Variants in KCNIP4 observed in about 807,000 individuals in gnomAD.
The protein encoded by KCNIP4 is potassium voltage-gated channel interacting protein 4.
A neutral mutation model predicts 34.0 loss-of-function variants in KCNIP4; 12 were observed. The ratio of observed to expected loss-of-function variants is 0.35; its 90% CI spans 0.23 to 0.57. KCNIP4 has a LOEUF of 0.57. Ranked by LOEUF, KCNIP4 falls within the 20% of genes least tolerant of loss-of-function variation. The pLI is 0.83. For synonymous variants in KCNIP4, 124 were observed against 102.2 expected (o/e 1.21, Z -1.29); for missense variants, 238 against 311.7 (o/e 0.76, Z 1.78).
chr4:21,167,002 G>A (rs142345353), intron 1 of KCNIP4, among the ~76,000 whole-genome samples: 1 of 143,756 alleles, frequency 7.0e-6, no homozygotes, highest in African/African-American at 2.5e-5. Flanking sequence ...GCAAACTGTT[G>A]TACATTTCTA....
intron 3 of KCNIP4, among the ~76,000 whole-genome samples, chr4:20,830,491 T>C (rs1199797401): frequency 6.6e-6 from 1 of 152,182 alleles, no homozygotes; most frequent in Non-Finnish European, 1.5e-5. Context: ...ATTCTGCATG[T>C]TCTTATGGGA....
chr4:20,745,260 A>G (rs193012795), intron 5 of KCNIP4, among the ~76,000 whole-genome samples: 1 of 152,256 alleles, frequency 6.6e-6, no homozygotes, highest in African/African-American at 2.4e-5. Flanking sequence ...TTTGTGAACA[A>G]AAGTATCCTG....
At chr4:21,775,132 G>T (rs950073101) in intron 1 of KCNIP4, among the ~76,000 whole-genome samples, 2 of 152,212 alleles carry the variant, frequency 1.3e-5, no homozygotes, top group South Asian at 4.1e-4. Flanking sequence ...CAGGGTTTTC[G>T]TGGAGGCCTT....
chr4:21,654,994 A>G (rs1448184689), intron 1 of KCNIP4, among the ~76,000 whole-genome samples: 1 of 152,026 alleles, frequency 6.6e-6, no homozygotes, highest in Non-Finnish European at 1.5e-5. Context: ...ATTGCTCCTC[A>G]TTCTTTTTTT....
At chr4:21,920,290 T>C (rs923283148) in intron 1 of KCNIP4, among the ~76,000 whole-genome samples, 1 of 152,160 alleles carries the variant, frequency 6.6e-6, no homozygotes, top group African/African-American at 2.4e-5. Flanking sequence ...GGATTGAAAA[T>C]ATAGTTTTAA....
intron 1 of KCNIP4, among the ~76,000 whole-genome samples, chr4:21,730,823 C>T (rs1003472935): frequency 2.0e-5 from 3 of 152,050 alleles, no homozygotes; most frequent in African/African-American, 4.8e-5. Flanking sequence ...AATTAAGAGT[C>T]GATTCTAGGC....
At chr4:20,936,891 A>G (rs979762689) in intron 1 of KCNIP4, among the ~76,000 whole-genome samples, 2 of 152,088 alleles carry the variant, frequency 1.3e-5, no homozygotes, top group African/African-American at 4.8e-5. Flanking sequence ...AATAATAGTT[A>G]CTCTGCGCAT....
intron 1 of KCNIP4, among the ~76,000 whole-genome samples, chr4:21,864,746 G>T (rs11930149): frequency 0.041 from 6,189 of 152,262 alleles, 155 homozygotes; most frequent in Middle Eastern, 0.075. Context: ...AGAGCTCCCA[G>T]AATCCCTCAT....
intron 1 of KCNIP4, chr4:21,315,433 A>G (rs1281853310): frequency 6.6e-6 from 1 of 152,226 alleles, no homozygotes; most frequent in Non-Finnish European, 1.5e-5. Flanking sequence ...TATACAACGC[A>G]TGTGTTAATC....
intron 1 of KCNIP4, among the ~76,000 whole-genome samples, chr4:21,267,442 T>G (rs1385613733): frequency 2.6e-5 from 4 of 151,992 alleles, no homozygotes; most frequent in Non-Finnish European, 5.9e-5. Context: ...TCAAAGGGAA[T>G]GCTTCCAGTT....
At chr4:21,251,388 A>C (rs571822606) in intron 1 of KCNIP4, among the ~76,000 whole-genome samples, 3 of 152,160 alleles carry the variant, frequency 2.0e-5, no homozygotes, top group Non-Finnish European at 4.4e-5. Flanking sequence ...CAAATTAAAA[A>C]ATGCACACAG....
chr4:21,138,154 G>A (rs186859149), intron 1 of KCNIP4, among the ~76,000 whole-genome samples: 1 of 152,226 alleles, frequency 6.6e-6, no homozygotes, highest in African/African-American at 2.4e-5. Flanking sequence ...CTGAGTCATT[G>A]CCATCTACAT....
rs554793664 is a variant in KCNIP4 at position 21,662,113 on chromosome 4, C to T, written c.61+286458G>A. Among the ~76,000 whole-genome samples, 16 of 152,282 alleles carry T rather than the reference C, an allele frequency of 1.1e-4. No homozygotes were observed. In the South Asian group the frequency reaches 2.9e-3, roughly 28 times the overall value. The stretch of plus-strand genomic sequence containing the variant: ...GGTATTTGCTTGTAAGCAACCTCTA[C>T]AAGGGTATTTCATACACCCTGTGTC... On this transcript the variant is annotated intron_variant, in intron 1 of 8. Transcript: ENST00000382152.
chr4:21,711,645 A>G (rs1713740045), intron 1 of KCNIP4, among the ~76,000 whole-genome samples: 1 of 152,234 alleles, frequency 6.6e-6, no homozygotes, highest in African/African-American at 2.4e-5. Context: ...TTTCATTAAG[A>G]GATAAAATAT....
At chr4:21,910,337 C>T (rs1913331) in intron 1 of KCNIP4, among the ~76,000 whole-genome samples, 152,012 of 152,228 alleles carry the variant, frequency 1, 75,899 homozygotes, top group Middle Eastern at 1. Flanking sequence ...TCAAGAAAAA[C>T]ACACAAGCAA....
chr4:21,318,557 T>G (rs1714032523), intron 1 of KCNIP4, among the ~76,000 whole-genome samples: 1 of 152,180 alleles, frequency 6.6e-6, no homozygotes, highest in Admixed American at 6.5e-5. Context: ...TTATATTTTT[T>G]GAGAGTTATG....
rs575478375 is a variant in KCNIP4, at chr4:21,585,163, G to C, written c.61+363408C>G. Among the ~76,000 whole-genome samples the C allele has an allele frequency of 9.1e-4, 139 of 152,142 alleles. 1 individual carries two copies. Among genetic ancestry groups the C allele is most frequent in the Middle Eastern group, 6.8e-3 (2 of 294 alleles). On this transcript the variant is annotated intron_variant, in intron 1 of 8. Coordinates refer to ENST00000382152, the MANE Select transcript of KCNIP4 (RefSeq NM_025221.6). ...CAGTGCTGGGGTAAGCATTTGGCAT[G>C]TAACTGACATTTCTCATGACAGTGC...
At chr4:21,106,589 C>T (rs903992775) in intron 1 of KCNIP4, among the ~76,000 whole-genome samples, 6 of 151,322 alleles carry the variant, frequency 4.0e-5, no homozygotes, top group Admixed American at 3.3e-4. Context: ...TTTTGTGTCT[C>T]TATTTCCTTC....
chr4:21,352,316 G>A (rs185244872), intron 1 of KCNIP4, among the ~76,000 whole-genome samples: 37 of 152,298 alleles, frequency 2.4e-4, no homozygotes, highest in African/African-American at 8.4e-4. Context: ...CCAAAGCAGG[G>A]TGGGACGTCG....
Sources: allele counts gnomAD v4.1 joint callset (sites outside exome capture counted in the v4.1 genomes callset), GRCh38; gene constraint gnomAD v4.1.1; transcripts MANE v1.5; gene names NCBI Gene and HGNC (gene_info 2026-07-23, HGNC 2026-07-21).